Variants in GPC6 observed in about 807,000 individuals in gnomAD.
GPC6 encodes glypican 6, also known as glypican-6.
GPC6 carries 14 observed loss-of-function variants against 55.2 expected under a neutral mutation model. The observed-to-expected ratio is 0.25, with a 90% CI of 0.17 to 0.40. The LOEUF (loss-of-function observed/expected upper bound fraction) is 0.40. Ranked by LOEUF, GPC6 falls within the 10% of genes least tolerant of loss-of-function variation. GPC6 has a pLI of 1.00. For missense variants in GPC6, 641 were observed against 708.5 expected, an observed-to-expected ratio of 0.90 and a Z score of 1.08; for synonymous variants, 278 against 259.6, an observed-to-expected ratio of 1.07 and a Z score of -0.68.
chr13:94,197,211 G>GA (rs1889605300), intron 4 of GPC6, among the ~76,000 whole-genome samples: 1 of 152,062 alleles, frequency 6.6e-6, no homozygotes, highest in Non-Finnish European at 1.5e-5. Context: ...ACAGTATTGA[G>GA]AAAATCCCCC....
At chr13:94,143,162 A>G (rs1887445855) in intron 4 of GPC6, among the ~76,000 whole-genome samples, 1 of 151,876 alleles carries the variant, frequency 6.6e-6, no homozygotes, top group South Asian at 2.1e-4. Context: ...AAAAAAAGAT[A>G]TATAAAAACA....
intron 1 of GPC6, among the ~76,000 whole-genome samples, chr13:93,443,395 A>G (rs146952751): frequency 7.0e-4 from 106 of 152,334 alleles, no homozygotes; most frequent in African/African-American, 2.5e-3. Context: ...GAGTCTGGCT[A>G]TGTTAACTGG....
At chr13:93,455,274 A>T (rs1878407737) in intron 1 of GPC6, among the ~76,000 whole-genome samples, 1 of 152,174 alleles carries the variant, frequency 6.6e-6, no homozygotes, top group South Asian at 2.1e-4. Flanking sequence ...AAGTGCCGCC[A>T]AAGTGGGAGC....
chr13:94,323,868 C>G (rs1428016073), intron 6 of GPC6, among the ~76,000 whole-genome samples: 2 of 152,002 alleles, frequency 1.3e-5, no homozygotes, highest in African/African-American at 4.8e-5. Flanking sequence ...AGGTAAACAC[C>G]CTTGCCCCAG....
At chr13:93,979,313 GTGTGTTTGTGTGTGTT>G (rs1224236126) in intron 3 of GPC6, among the ~76,000 whole-genome samples, 38 of 142,700 alleles carry the variant, frequency 2.7e-4, no homozygotes, top group Admixed American at 8.9e-4. Flanking sequence ...GTGTGTGTGT[GTGTGTTTGTGTGTGTT>G]TTTTTGTGTG....
chr13:93,496,233 G>A (rs1021621317), intron 1 of GPC6, among the ~76,000 whole-genome samples: 9 of 152,182 alleles, frequency 5.9e-5, no homozygotes, highest in African/African-American at 1.9e-4. Flanking sequence ...GTGGTGCGCC[G>A]TTTTTTAAGC....
chr13:93,387,792 A>G (rs1237797042), intron 1 of GPC6, among the ~76,000 whole-genome samples: 2 of 152,226 alleles, frequency 1.3e-5, no homozygotes, highest in Non-Finnish European at 2.9e-5. Context: ...TATGGTCTGA[A>G]TTTATCACTT....
At chr13:93,476,295 C>A (rs892692190) in intron 1 of GPC6, among the ~76,000 whole-genome samples, 1 of 151,658 alleles carries the variant, frequency 6.6e-6, no homozygotes, top group Non-Finnish European at 1.5e-5. Flanking sequence ...TCTGTGTGTG[C>A]GTGCGTGTGT....
At chr13:94,113,608 G>A (rs1226675034) in intron 4 of GPC6, among the ~76,000 whole-genome samples, 1 of 152,084 alleles carries the variant, frequency 6.6e-6, no homozygotes, top group Non-Finnish European at 1.5e-5. Context: ...TTTAGCTAAT[G>A]CATAAAATAT....
intron 3 of GPC6, chr13:94,025,746 G>T (rs1029658991): frequency 2.0e-5 from 3 of 152,020 alleles, no homozygotes; most frequent in African/African-American, 7.2e-5. Context: ...AGAATTAATC[G>T]ATAGGAAACC....
chr13:94,376,505 C>T (rs1176392847), intron 6 of GPC6, among the ~76,000 whole-genome samples: 1 of 151,774 alleles, frequency 6.6e-6, no homozygotes. Context: ...ATATGAAGGA[C>T]CTCTTCAAGG....
At chr13:93,475,063 T>C (rs1195298931) in intron 1 of GPC6, among the ~76,000 whole-genome samples, 1 of 152,118 alleles carries the variant, frequency 6.6e-6, no homozygotes, top group Non-Finnish European at 1.5e-5. Flanking sequence ...AGACGATTGA[T>C]TCTAGGATTT....
intron 4 of GPC6, among the ~76,000 whole-genome samples, chr13:94,260,027 CT>C (rs1891613354): frequency 1.3e-5 from 2 of 152,048 alleles, no homozygotes; most frequent in South Asian, 4.1e-4. Flanking sequence ...ACTTAAGTCC[CT>C]TTTTTTAGTA....
intron 2 of GPC6, among the ~76,000 whole-genome samples, chr13:93,739,485 A>G (rs1490778345): frequency 6.8e-6 from 1 of 146,714 alleles, no homozygotes; most frequent in Non-Finnish European, 1.5e-5. Context: ...GCTGGAGTGC[A>G]GTGGTGCGAT....
At chr13:94,183,238 A>G (rs1594032169) in intron 4 of GPC6, among the ~76,000 whole-genome samples, 1 of 152,282 alleles carries the variant, frequency 6.6e-6, no homozygotes, top group South Asian at 2.1e-4. Flanking sequence ...ACCCCTGGTA[A>G]TCTCTATTCT....
chr13:93,397,733 C>T (rs909566849), intron 1 of GPC6, among the ~76,000 whole-genome samples: 2 of 151,856 alleles, frequency 1.3e-5, no homozygotes, highest in Non-Finnish European at 2.9e-5. Flanking sequence ...CTATTGCTGA[C>T]TAGATAACCA....
At chr13:93,724,327 T>C (rs1319186326) in intron 2 of GPC6, among the ~76,000 whole-genome samples, 1 of 152,028 alleles carries the variant, frequency 6.6e-6, no homozygotes, top group Non-Finnish European at 1.5e-5. Context: ...TTAAAGCATG[T>C]AATTTTGTTC....
At chr13:93,253,950 A>G (rs994642625) in intron 1 of GPC6, among the ~76,000 whole-genome samples, 9 of 152,248 alleles carry the variant, frequency 5.9e-5, no homozygotes, top group African/African-American at 2.2e-4. Context: ...TCCCTGCTAC[A>G]GATGTGGGTT....
chr13:93,257,380 A>T (rs1213926429), intron 1 of GPC6, among the ~76,000 whole-genome samples: 1 of 152,200 alleles, frequency 6.6e-6, no homozygotes, highest in Non-Finnish European at 1.5e-5. Context: ...AAAGGATAAA[A>T]TAGTCTCTTC....
Sources: allele counts gnomAD v4.1 joint callset (sites outside exome capture counted in the v4.1 genomes callset), GRCh38; gene constraint gnomAD v4.1.1; transcripts MANE v1.5; gene names NCBI Gene and HGNC (gene_info 2026-07-23, HGNC 2026-07-21).